The following CCDC13 variants were observed in gnomAD, a reference collection of about 807,000 sequenced individuals.
CCDC13 encodes coiled-coil domain containing 13, also known as coiled-coil domain-containing protein 13.
In CCDC13, 70 loss-of-function variants were observed where a neutral mutation model predicts 87.3. The ratio of observed to expected loss-of-function variants is 0.80; its 90% confidence interval spans 0.66 to 0.98. The LOEUF (loss-of-function observed/expected upper bound fraction) is 0.98. Among genes scored for constraint, CCDC13 ranks in the 50% least tolerant of loss-of-function variants. The probability of loss-of-function intolerance (pLI) is 0.00; values close to 1 mark genes in which losing one functional copy is unlikely to be tolerated. For missense variants in CCDC13, 842 were observed against 892.0 expected (o/e 0.94, Z 0.71); for synonymous variants, 317 against 360.3 (o/e 0.88, Z 1.36).
chr3:42,735,612 T>G (rs1698983085), intron 10 of CCDC13, 95 bp downstream of exon 10: 20 of 1,317,798 alleles, frequency 1.5e-5, no homozygotes, highest in Non-Finnish European at 2.1e-5. Context: ...GGATGAAGTC[T>G]GGCCTGAGCT....
chr3:42,760,184 G>A (rs1410357842), intron 1 of CCDC13, among the ~76,000 whole-genome samples: 1 of 151,966 alleles, frequency 6.6e-6, no homozygotes, highest in African/African-American at 2.4e-5. Flanking sequence ...CCTGCTACTC[G>A]GGAGGTTGAG....
intron 9 of CCDC13, among the ~76,000 whole-genome samples, chr3:42,737,039 T>A (rs1409234067): frequency 6.6e-6 from 1 of 152,148 alleles, no homozygotes; most frequent in Non-Finnish European, 1.5e-5. Context: ...CATTAGGTAT[T>A]TCTCCTAATG....
intron 13 of CCDC13, among the ~76,000 whole-genome samples, chr3:42,723,408 C>T (rs933444180): frequency 2.6e-5 from 4 of 152,180 alleles, no homozygotes; most frequent in African/African-American, 9.7e-5. Flanking sequence ...GCAAAATCCC[C>T]TTGGCCATGT....
At chr3:42,741,430 C>T (rs1455611792) in intron 8 of CCDC13, among the ~76,000 whole-genome samples, 3 of 152,126 alleles carry the variant, frequency 2.0e-5, no homozygotes, top group African/African-American at 7.2e-5. Flanking sequence ...TGACCACCTC[C>T]CTCCACAAAT....
At position 42,735,773 on chromosome 3, in the gene CCDC13, G is replaced by A; in HGVS notation, c.1305C>T (p.Ala435=). ...RSNSLVAQLQ[A]MVAEREAKVR... Reference sequence around the variant, plus strand: ...CTTTGGCCTCCCGCTCAGCTACCATGGCCTGCAGCTGGGCGACTAGGCTGT... The same window carrying A: ...CTTTGGCCTCCCGCTCAGCTACCATAGCCTGCAGCTGGGCGACTAGGCTGT... Residue 435 remains alanine, a synonymous_variant, in exon 10 of 16, where the codon GCC becomes GCT. Coordinates refer to ENST00000310232, the MANE Select transcript of CCDC13 (RefSeq NM_144719.4). The A allele has an allele frequency of 1.2e-6, 2 of 1,614,218 alleles. No homozygotes were observed. Among genetic ancestry groups the A allele is most frequent in the Non-Finnish European group, 1.7e-6 (2 of 1,180,030 alleles).
At chr3:42,765,087 T>C (rs764307938) in intron 1 of CCDC13, among the ~76,000 whole-genome samples, 2 of 152,220 alleles carry the variant, frequency 1.3e-5, no homozygotes, top group African/African-American at 4.8e-5. Flanking sequence ...ACTCATTGAA[T>C]GTACACTGTG....
chr3:42,755,893 C>T (rs896041121), intron 3 of CCDC13, among the ~76,000 whole-genome samples: 1 of 152,200 alleles, frequency 6.6e-6, no homozygotes, highest in Non-Finnish European at 1.5e-5. Flanking sequence ...AGCCCATCAG[C>T]TTCTCTACAG....
intron 9 of CCDC13, among the ~76,000 whole-genome samples, chr3:42,738,280 T>C (rs1296751861): frequency 1.1e-4 from 17 of 152,256 alleles, no homozygotes; most frequent in Non-Finnish European, 1.5e-5. Flanking sequence ...ATATCTGTTT[T>C]GGTACCAGTA....
intron 14 of CCDC13, among the ~76,000 whole-genome samples, chr3:42,710,102 C>CT (rs869136555): frequency 2.1e-4 from 30 of 144,876 alleles, no homozygotes; most frequent in East Asian, 1.4e-3. Flanking sequence ...AATTTGTTTT[C>CT]TTTTTTTTTT....
chr3:42,737,422 T>C (rs1368765459), intron 9 of CCDC13, among the ~76,000 whole-genome samples: 9 of 152,256 alleles, frequency 5.9e-5, no homozygotes, highest in Non-Finnish European at 8.8e-5. Context: ...CCTTTGGGTA[T>C]ATACCCAGTA....
At chr3:42,720,614 T>G (rs1698538137) in intron 13 of CCDC13, among the ~76,000 whole-genome samples, 1 of 152,228 alleles carries the variant, frequency 6.6e-6, no homozygotes, top group Non-Finnish European at 1.5e-5. Context: ...GGTGAAAAAT[T>G]ATAAGAAGTC....
At chr3:42,760,723 C>T (rs1696649954) in intron 1 of CCDC13, among the ~76,000 whole-genome samples, 2 of 151,294 alleles carry the variant, frequency 1.3e-5, no homozygotes, top group South Asian at 4.2e-4. Context: ...CCATTGCATT[C>T]CAACCTGGGT....
rs339678 is a variant in CCDC13 at position 42,758,366 on chromosome 3, T to G, written c.-6-15A>C. On this transcript the variant is annotated splice_polypyrimidine_tract_variant and intron_variant, in intron 1 of 15. Transcript: ENST00000310232. ...GCCATCCTGCCCTAGGCATCAGAAA[T>G]GAAGCCTCAGCTGAAGCAAACTCCA... is the stretch of plus-strand genomic sequence containing the variant. The G allele has an allele frequency of 1.9e-6, 3 of 1,609,958 alleles. No individual in the cohort carries two copies. Among genetic ancestry groups the G allele is most frequent in the Non-Finnish European group, 2.5e-6 (3 of 1,179,520 alleles).
intron 8 of CCDC13, among the ~76,000 whole-genome samples, chr3:42,742,505 C>T (rs144498023): frequency 2.0e-5 from 3 of 152,278 alleles, no homozygotes; most frequent in African/African-American, 4.8e-5. Context: ...CAGTGAGATG[C>T]GGCCCCTGGT....
chr3:42,732,957 G>A lies in CCDC13; in HGVS notation c.1525C>T (p.Leu509=). The change falls in exon 12 of 16, where the codon CTG becomes TTG. Residue 509 remains leucine (L), a synonymous_variant. Transcript: ENST00000310232. ...GCAGATTCCACCAGTGTGTGGCCCA[G>A]GCTGGTCACAGAGCTGTGTAAAGGC... is the stretch of plus-strand genomic sequence containing the variant. ...RLGSSRSVTS[L]GHTLVESALT... is the part of the protein sequence containing the mutation. 6.4e-7 allele frequency: 1 copy of A among 1,552,886 alleles called. No individual in the cohort carries two copies. The highest frequency in any genetic ancestry group is 1.4e-5 in the African/African-American group (1 of 73,298).
chr3:42,752,090 T>G lies in CCDC13; in HGVS notation c.514-65A>C, dbSNP rs1699598747. On this transcript the variant is annotated intron_variant, in intron 4 of 15. Transcript: ENST00000310232. ...ATTGTGCAGCCCAAGGAAAGCACTC[T>G]GGTGCCATTGTGTGTGTGGTTACCT... 4.3e-6 allele frequency: 6 copies of G among 1,398,734 alleles called. No homozygotes were observed. In the Admixed American group the frequency reaches 1.0e-4, roughly 24 times the overall value. 86.6% of individuals were successfully genotyped at this position (1,398,734 alleles called of 1,614,324 possible).
At chr3:42,731,680 C>T (rs1453425061) in intron 12 of CCDC13, among the ~76,000 whole-genome samples, 3 of 152,030 alleles carry the variant, frequency 2.0e-5, no homozygotes, top group African/African-American at 7.3e-5. Flanking sequence ...AGCAAAGGGC[C>T]GATTCTTCAC....
chr3:42,712,681 G>A (rs995407043), intron 14 of CCDC13, among the ~76,000 whole-genome samples: 1 of 152,218 alleles, frequency 6.6e-6, no homozygotes, highest in African/African-American at 2.4e-5. Context: ...GTTGAGAACA[G>A]TGGAGCCACA....
chr3:42,714,337 G>A (rs1698383043), intron 13 of CCDC13, among the ~76,000 whole-genome samples: 1 of 152,218 alleles, frequency 6.6e-6, no homozygotes, highest in Non-Finnish European at 1.5e-5. Flanking sequence ...GGAGCAAAGG[G>A]CATAGACACC....
Sources: allele counts gnomAD v4.1 joint callset (sites outside exome capture counted in the v4.1 genomes callset), GRCh38; gene constraint gnomAD v4.1.1; transcripts MANE v1.5; gene names NCBI Gene and HGNC (gene_info 2026-07-23, HGNC 2026-07-21).